The following ZNF385D variants were observed in gnomAD, a reference collection of about 807,000 sequenced individuals.
ZNF385D encodes the protein zinc finger protein 659.
Under a neutral mutation model 35.8 loss-of-function variants are expected in ZNF385D, and 15 were observed. The ratio of observed to expected loss-of-function variants is 0.42; its 90% CI spans 0.28 to 0.64. The LOEUF (loss-of-function observed/expected upper bound fraction) is 0.64, where lower values mean the gene tolerates loss of function less well. Among genes scored for constraint, ZNF385D ranks in the 30% least tolerant of loss-of-function variants. The probability of loss-of-function intolerance (pLI) is 0.23; values close to 1 mark genes in which losing one functional copy is unlikely to be tolerated. For missense variants in ZNF385D, 474 were observed against 494.6 expected, an observed-to-expected ratio of 0.96 and a Z score of 0.39; for synonymous variants, 212 against 186.8, an observed-to-expected ratio of 1.13 and a Z score of -1.10.
At chr3:21,856,521 T>A (rs1696722103) in intron 3 of ZNF385D, among the ~76,000 whole-genome samples, 1 of 152,056 alleles carries the variant, frequency 6.6e-6, no homozygotes, top group African/African-American at 2.4e-5. Context: ...GCTGTAATCC[T>A]TTCAGCTACT....
chr3:22,361,057 TCAAAA>T (rs978426243), intron 2 of ZNF385D, among the ~76,000 whole-genome samples: 1 of 152,040 alleles, frequency 6.6e-6, no homozygotes, highest in African/African-American at 2.4e-5. Flanking sequence ...CCTTTGCCGC[TCAAAA>T]CAAAACTAGT....
intron 3 of ZNF385D, among the ~76,000 whole-genome samples, chr3:21,920,014 C>A (rs898655601): frequency 1.3e-5 from 2 of 152,164 alleles, no homozygotes; most frequent in South Asian, 4.1e-4. Context: ...GCATTGAAAT[C>A]ATTTCCAGGG....
intron 2 of ZNF385D, chr3:21,579,336 G>A (rs1383841075): frequency 2.0e-5 from 3 of 152,160 alleles, no homozygotes; most frequent in Non-Finnish European, 2.9e-5. Context: ...TCACTGAAAC[G>A]TGGGTCAAAT....
At chr3:21,982,406 T>A (rs1241447049) in intron 3 of ZNF385D, among the ~76,000 whole-genome samples, 2 of 152,280 alleles carry the variant, frequency 1.3e-5, no homozygotes, top group South Asian at 4.1e-4. Flanking sequence ...TGTCTAGGAA[T>A]GCTAAGTGAG....
chr3:22,289,684 A>G (rs1057320649), intron 2 of ZNF385D, among the ~76,000 whole-genome samples: 7 of 152,172 alleles, frequency 4.6e-5, no homozygotes, highest in Non-Finnish European at 8.8e-5. Flanking sequence ...TCAAGGGAGA[A>G]TCACACATGC....
chr3:21,592,556 C>A (rs199734761), intron 2 of ZNF385D, among the ~76,000 whole-genome samples: 66 of 60,624 alleles, frequency 1.1e-3, no homozygotes, highest in Middle Eastern at 9.3e-3. Flanking sequence ...AAAAAAAAAA[C>A]CAAAAACAAA....
At chr3:22,113,168 A>G (rs1702627225) in intron 3 of ZNF385D, among the ~76,000 whole-genome samples, 2 of 152,110 alleles carry the variant, frequency 1.3e-5, no homozygotes, top group South Asian at 4.1e-4. Context: ...TCAACAAGTA[A>G]GAATGGGGGT....
At chr3:21,818,292 C>A (rs2125725841) in intron 3 of ZNF385D, among the ~76,000 whole-genome samples, 1 of 152,252 alleles carries the variant, frequency 6.6e-6, no homozygotes. Context: ...AACAAACATG[C>A]ACGTTGTGCA....
intron 2 of ZNF385D, among the ~76,000 whole-genome samples, chr3:22,306,123 CTTAAT>C (rs1029780474): frequency 5.3e-5 from 8 of 151,976 alleles, no homozygotes; most frequent in South Asian, 2.1e-4. Context: ...TTTTCTTCTT[CTTAAT>C]TTGAGTTATT....
At chr3:21,603,086 A>G (rs867783555) in intron 2 of ZNF385D, among the ~76,000 whole-genome samples, 2 of 152,332 alleles carry the variant, frequency 1.3e-5, no homozygotes, top group Middle Eastern at 3.4e-3. Flanking sequence ...AATTTCATCA[A>G]GTTTATTTAC....
intron 2 of ZNF385D, among the ~76,000 whole-genome samples, chr3:22,344,448 G>T (rs2125484866): frequency 6.6e-6 from 1 of 152,248 alleles, no homozygotes; most frequent in African/African-American, 2.4e-5. Flanking sequence ...AGAGTGCAGT[G>T]ATGTGATCAC....
At chr3:21,863,150 T>C (rs1248751678) in intron 3 of ZNF385D, among the ~76,000 whole-genome samples, 5 of 151,998 alleles carry the variant, frequency 3.3e-5, no homozygotes, top group Non-Finnish European at 1.5e-5. Context: ...CATATTAGAG[T>C]TCATATCCAA....
At chr3:21,479,028 T>C (rs1361144140) in intron 4 of ZNF385D, among the ~76,000 whole-genome samples, 2 of 134,114 alleles carry the variant, frequency 1.5e-5, no homozygotes, top group African/African-American at 5.5e-5. Flanking sequence ...GTGAAAACCA[T>C]ATATTTCTTG....
intron 4 of ZNF385D, among the ~76,000 whole-genome samples, chr3:21,501,379 G>A (rs539248055): frequency 9.2e-4 from 140 of 152,318 alleles, no homozygotes; most frequent in African/African-American, 3.3e-3. Context: ...CCATATCAAT[G>A]CCATGTAATG....
intron 1 of ZNF385D, among the ~76,000 whole-genome samples, chr3:21,732,793 C>T (rs1021911612): frequency 6.6e-6 from 1 of 152,126 alleles, no homozygotes; most frequent in Non-Finnish European, 1.5e-5. Context: ...GGATGACAGT[C>T]CTTTATCAGA....
chr3:21,702,815 C>T (rs1176203121), intron 1 of ZNF385D, among the ~76,000 whole-genome samples: 2 of 152,164 alleles, frequency 1.3e-5, no homozygotes, highest in African/African-American at 4.8e-5. Context: ...TAAAACATAA[C>T]GAGAGTCACC....
intron 3 of ZNF385D, among the ~76,000 whole-genome samples, chr3:21,772,296 C>T (rs2071109767): frequency 6.6e-6 from 1 of 151,746 alleles, no homozygotes; most frequent in African/African-American, 2.4e-5. Flanking sequence ...AGGCAATTCA[C>T]AGAATGGAAG....
intron 3 of ZNF385D, chr3:21,877,718 A>G (rs1698056880): frequency 6.6e-6 from 1 of 151,980 alleles, no homozygotes; most frequent in Admixed American, 6.6e-5. Flanking sequence ...ATGCTGATAG[A>G]ATTGGGATTT....
intron 2 of ZNF385D, among the ~76,000 whole-genome samples, chr3:22,271,495 A>T (rs1701174541): frequency 1.3e-5 from 2 of 151,876 alleles, no homozygotes; most frequent in Non-Finnish European, 2.9e-5. Context: ...TTGGAGCAAA[A>T]CCCAGGCTTC....
Sources: gnomAD v4.1 joint callset for allele counts (sites outside exome capture counted in the v4.1 genomes callset) on GRCh38, gnomAD v4.1.1 for gene constraint, MANE v1.5 for transcripts, NCBI Gene and HGNC (gene_info 2026-07-23, HGNC 2026-07-21) for gene names.